The following CYP24A1 variants were observed in gnomAD, a reference collection of about 807,000 sequenced individuals.
CYP24A1 encodes cytochrome P450 family 24 subfamily A member 1, also known as 1,25-dihydroxyvitamin D(3) 24-hydroxylase, mitochondrial.
CYP24A1 carries 68 observed loss-of-function variants against 62.4 expected under a neutral mutation model. The ratio of observed to expected loss-of-function variants is 1.09; its 90% confidence interval spans 0.90 to 1.33. The LOEUF is 1.33. Among genes scored for constraint, CYP24A1 ranks in the 40% most tolerant of loss-of-function variants. The probability of loss-of-function intolerance (pLI) is 0.00; values close to 1 mark genes in which losing one functional copy is unlikely to be tolerated. For synonymous variants in CYP24A1, 267 were observed against 253.0 expected, an observed-to-expected ratio of 1.06 and a Z score of -0.52; for missense variants, 787 against 653.0, an observed-to-expected ratio of 1.21 and a Z score of -2.24.
chr20:54,171,123 C>T (rs2092692337), intron 3 of CYP24A1, among the ~76,000 whole-genome samples: 1 of 152,314 alleles, frequency 6.6e-6, no homozygotes, highest in Non-Finnish European at 1.5e-5. Context: ...TGCTTTCAGA[C>T]TCCTCCTGCA....
At chr20:54,164,338 C>G (rs577741444) in intron 6 of CYP24A1, 114 bp downstream of exon 6, 1 of 1,593,866 alleles carries the variant, frequency 6.3e-7, no homozygotes, top group African/African-American at 1.3e-5. Flanking sequence ...CCTGTGTTTG[C>G]AAAACCTAAA....
At chr20:54,149,180 C>G (rs2092608924), downstream of CYP24A1, among the ~76,000 whole-genome samples, 1 of 152,110 alleles carries the variant, frequency 6.6e-6, no homozygotes, top group Non-Finnish European at 1.5e-5. Context: ...TTATGGTAAC[C>G]AATAAAGCTA....
chr20:54,173,376 G>A lies in CYP24A1; in HGVS notation c.204C>T (p.Gly68=). 1 of 1,597,940 alleles carries A rather than the reference G, an allele frequency of 6.3e-7. No individual in the cohort carries two copies. Among genetic ancestry groups the A allele is most frequent in the Middle Eastern group, 1.7e-4 (1 of 6,030 alleles). The part of the protein sequence containing the change: ...LPGPTSWPLL[G]SLLQILWKGG... ...CTTTCCAGAGAATCTGCAGCAGGCT[G>A]CCCAGCAGTGGCCAGCTGGTGGGGC... The change falls in exon 1 of 12, where the codon GGC becomes GGT. Residue 68 remains glycine, a synonymous_variant. Transcript: ENST00000216862. This position sits in a 1 kb window ranked among gnomAD's most constrained non-coding sequence, Gnocchi z 7.2.
At chr20:54,161,191 C>T (rs115261380) in intron 7 of CYP24A1, among the ~76,000 whole-genome samples, 2 of 152,224 alleles carry the variant, frequency 1.3e-5, no homozygotes, top group African/African-American at 4.8e-5. Context: ...AGCTCCATCC[C>T]TCTTTCTGCC....
chr20:54,165,810 T>C lies in CYP24A1; in HGVS notation c.664A>G (p.Lys222Glu). Residue 222 changes from lysine to glutamate, a missense_variant, in exon 5 of 12, where the codon AAG (lysine) becomes GAG (glutamate). Physicochemically the swap from Lys to Glu is moderately conservative, Grantham distance 56. Coordinates refer to ENST00000216862, the MANE Select transcript of CYP24A1 (RefSeq NM_000782.5). ...TTCTTCTGGAGAAGCCCAAATCTCTTCTCATACAACACGAGGCAGATACCT... is the reference window on the plus strand; with the variant it reads ...TTCTTCTGGAGAAGCCCAAATCTCTCCTCATACAACACGAGGCAGATACCT... ...FESICLVLYE[K>E]RFGLLQKNAG... 6.7e-7 allele frequency: 1 copy of C among 1,483,294 alleles called. No homozygotes were observed. Among genetic ancestry groups the C allele is most frequent in the South Asian group, 1.1e-5 (1 of 88,526 alleles). 91.9% of individuals were successfully genotyped at this position (1,483,294 alleles called of 1,614,324 possible). A position where few individuals can be genotyped will look rare whatever the true frequency, so the allele number is the denominator to read the frequency against.
At chr20:54,157,884 A>G (rs2092635210) in intron 9 of CYP24A1, among the ~76,000 whole-genome samples, 1 of 152,214 alleles carries the variant, frequency 6.6e-6, no homozygotes, top group African/African-American at 2.4e-5. Flanking sequence ...AACACAGATA[A>G]AAGATGAAAC....
downstream of CYP24A1, among the ~76,000 whole-genome samples, chr20:54,149,719 C>T (rs1430451163): frequency 1.6e-4 from 24 of 152,180 alleles, no homozygotes; most frequent in Admixed American, 1.5e-3. Context: ...CACATCCAAC[C>T]ATCCATGCTT....
At position 54,173,150 on chromosome 20, in the gene CYP24A1, C is replaced by T. The variant is rs767765205; in HGVS notation, c.259-51G>A. On this transcript the variant is annotated intron_variant, in intron 1 of 11. Coordinates refer to ENST00000216862, the MANE Select transcript of CYP24A1 (RefSeq NM_000782.5). This position sits in a 1 kb window ranked among gnomAD's most constrained non-coding sequence, Gnocchi z 7.2. ...TGTCAGCGCGCATCCTCCGCCGTGC[C>T]CGAAGCGCTTTCCCTCCTCCCGCCT... The T allele has an allele frequency of 1.2e-5, 19 of 1,591,052 alleles. No homozygotes were observed. Among genetic ancestry groups the T allele is most frequent in the Non-Finnish European group, 1.5e-5 (18 of 1,170,792 alleles).
Position 54,173,049 on chromosome 20 carries a change from G to A in CYP24A1, c.309C>T (p.Ser103=). 1 of 1,608,196 alleles carries A rather than the reference G, an allele frequency of 6.2e-7. No individual in the cohort carries two copies. The highest frequency in any genetic ancestry group is 8.5e-7 in the Non-Finnish European group (1 of 1,180,016). ...YGKIFRMKLG[S]FESVHLGSPC... is the part of the protein sequence containing the mutation. ...GCGAGCCCAGGTGCACCGACTCAAAGGAACCCAACTTCATGCGGAAAATCT... is the reference window on the plus strand; with the variant it reads ...GCGAGCCCAGGTGCACCGACTCAAAAGAACCCAACTTCATGCGGAAAATCT... The change falls in exon 2 of 12, where the codon TCC becomes TCT. Residue 103 remains serine (S), a synonymous_variant. Coordinates refer to ENST00000216862, the MANE Select transcript of CYP24A1 (RefSeq NM_000782.5). The surrounding 1 kb of genome is among the most constrained non-coding windows in gnomAD (Gnocchi z 7.2).
intron 11 of CYP24A1, among the ~76,000 whole-genome samples, chr20:54,155,736 C>CAA (rs10558076): frequency 5.0e-5 from 6 of 120,396 alleles, no homozygotes; most frequent in Non-Finnish European, 7.3e-5. Flanking sequence ...GACACTGTCT[C>CAA]AAAAAAAAAA....
At chr20:54,147,111 C>T in the CYP24A1 span, among the ~76,000 whole-genome samples, 4 of 152,188 alleles carry the variant, frequency 2.6e-5, no homozygotes, top group Admixed American at 6.5e-5. Flanking sequence ...TGAAGTCAGA[C>T]AGACTGGGGT....
chr20:54,155,891 AC>A (rs1386335139), intron 11 of CYP24A1, among the ~76,000 whole-genome samples: 1 of 148,754 alleles, frequency 6.7e-6, no homozygotes, highest in East Asian at 2.0e-4. Context: ...GACGAGGCCA[AC>A]ATATGCTATT....
Position 54,158,092 on chromosome 20 carries a change from G to A in CYP24A1, c.1230C>T (p.Pro410=). ...ATATACAAATTCTACTTACTCCTTT[G>A]GGTAAAGCATATTCACCCAGAACTG... ...KATVLGEYAL[P]KGTVLMLNTQ... Residue 410 remains proline (P), a synonymous_variant, in exon 9 of 12, where the codon CCC becomes CCT. Transcript: ENST00000216862. The A allele has an allele frequency of 1.9e-6, 3 of 1,613,794 alleles. No individual in the cohort carries two copies. The highest frequency in any genetic ancestry group is 2.5e-6 in the Non-Finnish European group (3 of 1,180,000).
chr20:54,163,208 T>C (rs1431110721), intron 6 of CYP24A1, among the ~76,000 whole-genome samples: 1 of 152,104 alleles, frequency 6.6e-6, no homozygotes, highest in Non-Finnish European at 1.5e-5. Context: ...AGGTCATAGT[T>C]TTGAGTAGTA....
At chr20:54,156,572 A>G (rs2092628655) in intron 11 of CYP24A1, among the ~76,000 whole-genome samples, 1 of 152,236 alleles carries the variant, frequency 6.6e-6, no homozygotes, top group African/African-American at 2.4e-5. Flanking sequence ...CCTCCTCTAG[A>G]ACCTCCAGAA....
chr20:54,151,737 T>C (rs2092612760), downstream of CYP24A1, among the ~76,000 whole-genome samples: 1 of 152,040 alleles, frequency 6.6e-6, no homozygotes, highest in East Asian at 1.9e-4. Flanking sequence ...TAATTTTTTG[T>C]ATTTTTAGTA....
chr20:54,152,699 G>A (rs570357943), downstream of CYP24A1, among the ~76,000 whole-genome samples: 2 of 152,236 alleles, frequency 1.3e-5, no homozygotes, highest in Non-Finnish European at 2.9e-5. Context: ...GGTGGATGAT[G>A]TGGGCTGAGG....
chr20:54,153,149 C>T (rs1335640348), downstream of CYP24A1, among the ~76,000 whole-genome samples: 3 of 152,260 alleles, frequency 2.0e-5, no homozygotes, highest in South Asian at 2.1e-4. Flanking sequence ...GCTCCCAGGC[C>T]GTTCTACCCC....
the CYP24A1 span, among the ~76,000 whole-genome samples, chr20:54,147,625 C>A: frequency 1.3e-5 from 2 of 152,216 alleles, no homozygotes; most frequent in Non-Finnish European, 2.9e-5. Context: ...CTGCTATTTA[C>A]TGAGAATTCA....
Sources: allele counts gnomAD v4.1 joint callset (sites outside exome capture counted in the v4.1 genomes callset), GRCh38; gene constraint gnomAD v4.1.1; non-coding constraint Gnocchi (gnomAD v3.1); transcripts MANE v1.5; gene names NCBI Gene and HGNC (gene_info 2026-07-23, HGNC 2026-07-21).